Variants in GFRA1 observed in about 807,000 individuals in gnomAD.
GFRA1 encodes the protein GDNF family receptor alpha-1.
A neutral mutation model predicts 51.6 loss-of-function variants in GFRA1; 16 were observed. That is an observed-to-expected ratio of 0.31 (90% CI 0.21 to 0.47). The LOEUF is 0.47. Ranked by LOEUF, GFRA1 falls within the 20% of genes least tolerant of loss-of-function variation. The pLI, the probability that GFRA1 is intolerant of heterozygous loss-of-function variation, is 1.00. For synonymous variants in GFRA1, 270 were observed against 241.3 expected, an observed-to-expected ratio of 1.12 and a Z score of -1.10; for missense variants, 530 against 594.3, an observed-to-expected ratio of 0.89 and a Z score of 1.13.
chr10:116,271,163 G>A, intron 2 of GFRA1, 48 bp from the exon 3 acceptor site: 1 of 1,534,462 alleles, frequency 6.5e-7, no homozygotes, highest in Non-Finnish European at 8.8e-7. Context: ...CGGGGACCCC[G>A]GCCGCCCCTG....
At chr10:116,265,834 C>A (rs1211501887) in intron 4 of GFRA1, among the ~76,000 whole-genome samples, 1 of 152,080 alleles carries the variant, frequency 6.6e-6, no homozygotes, top group Non-Finnish European at 1.5e-5. Context: ...GCTTCATGTT[C>A]CAGGCCCCTA....
At chr10:116,251,511 A>G (rs1398825694) in intron 4 of GFRA1, among the ~76,000 whole-genome samples, 3 of 152,118 alleles carry the variant, frequency 2.0e-5, no homozygotes, top group Admixed American at 2.0e-4. Flanking sequence ...TGGTCCAAAC[A>G]CTCTGCTTTA....
Position 116,271,000 on chromosome 10 carries a change from G to A in GFRA1, c.156C>T (p.Cys52=). 6.2e-7 allele frequency: 1 copy of A among 1,614,220 alleles called. No individual in the cohort carries two copies. The highest frequency in any genetic ancestry group is 2.2e-5 in the East Asian group (1 of 44,864). ...TGAAGTTGGTCTCCTTGCCCGCCAC[G>A]CACTGCCTTAGCGTGCGGTACTTGG... is the stretch of plus-strand genomic sequence containing the variant. ...CSTKYRTLRQ[C]VAGKETNFSL... Residue 52 remains cysteine, a synonymous_variant, in exon 3 of 11, where the codon TGC becomes TGT. Coordinates refer to ENST00000355422, the MANE Select transcript of GFRA1 (RefSeq NM_005264.8).
intron 4 of GFRA1, among the ~76,000 whole-genome samples, chr10:116,265,803 C>T (rs12773105): frequency 0.51 from 76,926 of 151,822 alleles, 19,530 homozygotes; most frequent in East Asian, 0.57. Flanking sequence ...GGCGCACTTT[C>T]TCCTGTGTGT....
At chr10:116,078,335 C>T (rs1267773051) in intron 9 of GFRA1, among the ~76,000 whole-genome samples, 4 of 152,292 alleles carry the variant, frequency 2.6e-5, no homozygotes, top group South Asian at 2.1e-4. Flanking sequence ...CCAAGGCTGA[C>T]GTGGGTGGAT....
At chr10:116,220,827 G>T (rs1965871366) in intron 4 of GFRA1, among the ~76,000 whole-genome samples, 1 of 152,152 alleles carries the variant, frequency 6.6e-6, no homozygotes, top group South Asian at 2.1e-4. Context: ...GAAAATAGCT[G>T]CAATCTTTTC....
intron 5 of GFRA1, among the ~76,000 whole-genome samples, chr10:116,206,879 G>A (rs899676033): frequency 2.6e-5 from 4 of 151,626 alleles, no homozygotes; most frequent in East Asian, 1.9e-4. Context: ...TGATCCACCC[G>A]CCTCGGCCTC....
chr10:116,125,386 T>C lies in GFRA1; in HGVS notation c.605A>G (p.Lys202Arg), dbSNP rs1333765690. The C allele has an allele frequency of 2.5e-6, 4 of 1,614,256 alleles. No individual in the cohort carries two copies. The East Asian group carries it at 6.7e-5, about 27-fold the overall frequency. The change falls in exon 6 of 11, where the codon AAG becomes AGG. Residue 202 changes from lysine (K) to arginine (R), a missense_variant. Coordinates refer to ENST00000355422, the MANE Select transcript of GFRA1 (RefSeq NM_005264.8). ...TCCGTAGCTGTGCTTGGCCGGGACC[T>C]TGTCAAAGAACTGCCGGAGGGCCTT... Reference protein sequence around the residue: ...CHKALRQFFDKVPAKHSYGML... With the variant: ...CHKALRQFFDRVPAKHSYGML...
intron 5 of GFRA1, among the ~76,000 whole-genome samples, chr10:116,178,578 C>T (rs1961886886): frequency 2.0e-5 from 3 of 152,198 alleles, no homozygotes; most frequent in African/African-American, 7.2e-5. Context: ...AACAACTTCA[C>T]TAAGAGTTCT....
chr10:116,256,760 G>A (rs1290484134), intron 4 of GFRA1, among the ~76,000 whole-genome samples: 1 of 152,216 alleles, frequency 6.6e-6, no homozygotes, highest in East Asian at 1.9e-4. Flanking sequence ...AGCTAGGCAA[G>A]GCAGAAGACT....
chr10:116,223,205 G>GA (rs1211606414), intron 4 of GFRA1, among the ~76,000 whole-genome samples: 4 of 151,972 alleles, frequency 2.6e-5, no homozygotes, highest in African/African-American at 9.7e-5. Flanking sequence ...CATCATCCAG[G>GA]AAAAAAATGT....
intron 5 of GFRA1, among the ~76,000 whole-genome samples, chr10:116,155,877 T>C (rs1358309471): frequency 2.0e-5 from 3 of 152,092 alleles, no homozygotes. Context: ...GCTTTATGAA[T>C]CTGGCTAGTA....
At chr10:116,077,226 G>C (rs545384590) in intron 9 of GFRA1, among the ~76,000 whole-genome samples, 8 of 152,116 alleles carry the variant, frequency 5.3e-5, no homozygotes, top group Non-Finnish European at 1.2e-4. Flanking sequence ...TCTAGCTATA[G>C]GAGATTAGGG....
chr10:116,265,518 T>G (rs1969586221), intron 4 of GFRA1, among the ~76,000 whole-genome samples: 1 of 152,176 alleles, frequency 6.6e-6, no homozygotes, highest in South Asian at 2.1e-4. Flanking sequence ...TGCTTTGCTC[T>G]CCCACTCCAA....
chr10:116,271,178 G>A (rs1045913400), intron 2 of GFRA1, 63 bp from the exon 3 acceptor site: 14 of 1,447,150 alleles, frequency 9.7e-6, no homozygotes, highest in African/African-American at 7.1e-5. Context: ...CCCCTGCTCC[G>A]GGCGAGGGCG....
At chr10:116,117,405 G>T (rs773974433) in intron 6 of GFRA1, among the ~76,000 whole-genome samples, 1 of 152,146 alleles carries the variant, frequency 6.6e-6, no homozygotes, top group Admixed American at 6.5e-5. Flanking sequence ...ATAGCACTTT[G>T]TCCCTTCCTG....
intron 5 of GFRA1, among the ~76,000 whole-genome samples, chr10:116,202,743 A>G (rs946316454): frequency 1.3e-5 from 2 of 152,204 alleles, no homozygotes; most frequent in Admixed American, 6.5e-5. Context: ...GAGAACAGCA[A>G]TGGGGAAATC....
intron 5 of GFRA1, among the ~76,000 whole-genome samples, chr10:116,172,764 A>G (rs911271084): frequency 3.9e-5 from 6 of 152,164 alleles, no homozygotes; most frequent in African/African-American, 1.4e-4. Context: ...TGGGGGCCTT[A>G]TCCTCACTGA....
intron 4 of GFRA1, chr10:116,255,874 G>T: frequency 2.6e-6 from 1 of 391,526 alleles, no homozygotes; most frequent in Non-Finnish European, 3.5e-6. Context: ...GTTTTGGACT[G>T]ACTGGTAATT....
Sources: allele counts gnomAD v4.1 joint callset (sites outside exome capture counted in the v4.1 genomes callset), GRCh38; gene constraint gnomAD v4.1.1; transcripts MANE v1.5; gene names NCBI Gene and HGNC (gene_info 2026-07-23, HGNC 2026-07-21).